Variants in PRELID2 observed in about 807,000 individuals in gnomAD.
The protein encoded by PRELID2 is PRELI domain containing 2.
In PRELID2, 25 loss-of-function variants were observed where a neutral mutation model predicts 28.4. The ratio of observed to expected loss-of-function variants is 0.88; its 90% CI spans 0.64 to 1.23. PRELID2 has a LOEUF of 1.23. PRELID2 is among the 50% of genes most tolerant of loss of function. PRELID2 has a pLI of 0.00. For missense variants in PRELID2, 201 were observed against 214.4 expected, an observed-to-expected ratio of 0.94 and a Z score of 0.39; for synonymous variants, 76 against 71.6, an observed-to-expected ratio of 1.06 and a Z score of -0.31.
At chr5:145,514,634 T>C (rs1014204126) in intron 1 of PRELID2, among the ~76,000 whole-genome samples, 1 of 152,220 alleles carries the variant, frequency 6.6e-6, no homozygotes, top group Non-Finnish European at 1.5e-5. Flanking sequence ...AACTCAGCTC[T>C]GGACCAAGTG....
intron 1 of PRELID2, among the ~76,000 whole-genome samples, chr5:145,685,036 G>A (rs933196726): frequency 6.6e-5 from 10 of 152,262 alleles, no homozygotes; most frequent in African/African-American, 1.9e-4. Context: ...ATCAAGTCTT[G>A]TTGCTTCTAC....
At chr5:145,733,176 C>T (rs1191939216) in intron 1 of PRELID2, among the ~76,000 whole-genome samples, 1 of 151,902 alleles carries the variant, frequency 6.6e-6, no homozygotes, top group Non-Finnish European at 1.5e-5. Context: ...GTGGGAGGAT[C>T]ACTTGAGCCC....
chr5:145,704,144 G>A (rs771975906), intron 1 of PRELID2: 1 of 152,182 alleles, frequency 6.6e-6, no homozygotes, highest in Non-Finnish European at 1.5e-5. Context: ...TGAGACAAAC[G>A]CTGGGCTAAG....
intron 1 of PRELID2, among the ~76,000 whole-genome samples, chr5:145,565,512 T>C (rs151328845): frequency 1.8e-4 from 28 of 152,348 alleles, no homozygotes; most frequent in Non-Finnish European, 3.7e-4. Flanking sequence ...TTGCAGACAA[T>C]TGTAATGCAG....
intron 1 of PRELID2, among the ~76,000 whole-genome samples, chr5:145,709,547 T>C (rs1304678336): frequency 6.7e-6 from 1 of 148,532 alleles, no homozygotes; most frequent in Non-Finnish European, 1.5e-5. Context: ...CTGATGGGAA[T>C]AAGAAAAAGC....
rs70998036 is a variant in PRELID2, at chr5:145,758,994, A to ATTTTTTTTTTTTTTTTTTT, written c.*1523_*1541dup. ...CCAAGACTCTCCAGTAACGGCCTGAATTTTTTTTTTTTTTTTTTTTTTTTG... is the reference window on the plus strand; with the variant it reads ...CCAAGACTCTCCAGTAACGGCCTGAATTTTTTTTTTTTTTTTTTTTTTTTTTTTTTTTTTTTTTTTTTTG... On this transcript the variant is annotated 3_prime_UTR_variant, in exon 7 of 7. Coordinates refer to ENST00000683046, the MANE Select transcript of PRELID2 (RefSeq NM_205846.3). The ATTTTTTTTTTTTTTTTTTT allele has an allele frequency of 2.2e-5, 2 of 90,592 alleles. No homozygotes were observed. The highest frequency in any genetic ancestry group is 4.4e-5 in the African/African-American group (1 of 22,616). The allele number at this position is 90,592 out of a possible 1,614,324, so 5.6% of individuals were successfully genotyped here. A position where few individuals can be genotyped will look rare whatever the true frequency, so the allele number is the denominator to read the frequency against.
chr5:145,632,835 G>A (rs1474196127), intron 1 of PRELID2, among the ~76,000 whole-genome samples: 1 of 152,148 alleles, frequency 6.6e-6, no homozygotes, highest in Non-Finnish European at 1.5e-5. Context: ...TTAACTTTGA[G>A]TTAATAAAAA....
the PRELID2 span, among the ~76,000 whole-genome samples, chr5:145,370,176 T>C: frequency 6.6e-6 from 1 of 152,156 alleles, no homozygotes; most frequent in African/African-American, 2.4e-5. Context: ...TTTCATGTTT[T>C]AGTCATGAAG....
the PRELID2 span, among the ~76,000 whole-genome samples, chr5:145,374,607 T>C: frequency 2.0e-5 from 3 of 152,140 alleles, no homozygotes; most frequent in African/African-American, 7.2e-5. Context: ...TCCATCTCCT[T>C]CAGGTACTCC....
At chr5:145,650,910 G>T (rs968471415) in intron 1 of PRELID2, among the ~76,000 whole-genome samples, 1 of 152,046 alleles carries the variant, frequency 6.6e-6, no homozygotes, top group Admixed American at 6.6e-5. Context: ...GACAGTGGGT[G>T]CAGGACAGTG....
At chr5:145,260,678 G>GA in the PRELID2 span, among the ~76,000 whole-genome samples, 8 of 152,170 alleles carry the variant, frequency 5.3e-5, no homozygotes, top group Admixed American at 3.9e-4. Flanking sequence ...GAAAAGGGCA[G>GA]AAAAAATGGT....
At chr5:145,824,479 A>G (rs1419907395) in intron 1 of PRELID2, among the ~76,000 whole-genome samples, 1 of 134,590 alleles carries the variant, frequency 7.4e-6, no homozygotes, top group African/African-American at 2.7e-5. Context: ...TGATTTATTA[A>G]TGGATTTTTC....
chr5:145,550,803 A>C (rs948119592), intron 1 of PRELID2, among the ~76,000 whole-genome samples: 1 of 152,190 alleles, frequency 6.6e-6, no homozygotes, highest in African/African-American at 2.4e-5. Flanking sequence ...TCAAGGATTT[A>C]AATCCCAGCA....
the PRELID2 span, among the ~76,000 whole-genome samples, chr5:145,329,250 C>A: frequency 6.6e-6 from 1 of 152,032 alleles, no homozygotes; most frequent in African/African-American, 2.4e-5. Context: ...TTAGGATTGT[C>A]TTGGCTATAA....
the PRELID2 span, among the ~76,000 whole-genome samples, chr5:145,384,609 G>A: frequency 2.0e-5 from 3 of 152,120 alleles, no homozygotes; most frequent in South Asian, 6.2e-4. Flanking sequence ...AATGAAATAC[G>A]TGAGACTGGG....
At chr5:145,240,124 G>T in the PRELID2 span, among the ~76,000 whole-genome samples, 3 of 151,944 alleles carry the variant, frequency 2.0e-5, no homozygotes, top group South Asian at 6.2e-4. Context: ...TTTAATAGAT[G>T]GTTCCTCATA....
chr5:145,668,384 T>G (rs191908846), intron 1 of PRELID2, among the ~76,000 whole-genome samples: 12 of 151,130 alleles, frequency 7.9e-5, no homozygotes, highest in Non-Finnish European at 1.2e-4. Context: ...AAAAAAGATA[T>G]CCAGGCAGTC....
intron 1 of PRELID2, among the ~76,000 whole-genome samples, chr5:145,675,916 C>T (rs1159139901): frequency 1.3e-5 from 2 of 152,054 alleles, no homozygotes; most frequent in Non-Finnish European, 2.9e-5. Context: ...GAGTTGATAC[C>T]AATATTAAAA....
At chr5:145,293,232 G>A in the PRELID2 span, among the ~76,000 whole-genome samples, 4 of 152,142 alleles carry the variant, frequency 2.6e-5, no homozygotes, top group African/African-American at 2.4e-5. Context: ...ATACATTTGA[G>A]TTTGCAACCC....
Sources: allele counts gnomAD v4.1 joint callset (sites outside exome capture counted in the v4.1 genomes callset), GRCh38; gene constraint gnomAD v4.1.1; transcripts MANE v1.5; gene names NCBI Gene and HGNC (gene_info 2026-07-23, HGNC 2026-07-21).